Variants in STRA8 observed in about 807,000 individuals in gnomAD.
The protein encoded by STRA8 is stimulated by retinoic acid 8.
Under a neutral mutation model 37.1 loss-of-function variants are expected in STRA8, and 18 were observed. That is an observed-to-expected ratio of 0.48 (90% CI 0.34 to 0.72). STRA8 has a LOEUF of 0.72. STRA8 is among the 30% of genes least tolerant of loss of function. STRA8 has a pLI of 0.01. For missense variants in STRA8, 357 were observed against 410.4 expected (o/e 0.87, Z 1.13); for synonymous variants, 168 against 162.9 (o/e 1.03, Z -0.24).
intron 7 of STRA8, among the ~76,000 whole-genome samples, chr7:135,253,614 G>A (rs1295626511): frequency 6.6e-6 from 1 of 152,154 alleles, no homozygotes; most frequent in African/African-American, 2.4e-5. Context: ...CCCATGAAGT[G>A]GGAAGACACA....
chr7:135,233,588 G>A (rs1180409398), upstream of STRA8, among the ~76,000 whole-genome samples: 1 of 152,126 alleles, frequency 6.6e-6, no homozygotes, highest in African/African-American at 2.4e-5. Context: ...ACTGACGCGA[G>A]GGTCCCCTCC....
rs1832447160 is a variant in STRA8 at position 135,240,571 on chromosome 7, C to G, written c.47C>G (p.Pro16Arg). 1.2e-6 allele frequency: 2 copies of G among 1,614,178 alleles called. No homozygotes were observed. The highest frequency in any genetic ancestry group is 1.7e-6 in the Non-Finnish European group (2 of 1,180,022). ...ENSNPHDRAT[P>R]QLPAQLQELE... ...AGCAATCCCCATGACAGAGCAACAC[C>G]CCAGCTGCCAGCACAGCTGCAGGAG... The change falls in exon 2 of 9, where the codon CCC becomes CGC. Residue 16 changes from proline to arginine, a missense_variant. By Grantham distance (103) the Pro-to-Arg change is moderately radical. Transcript: ENST00000662584.
chr7:135,234,003 G>GA (rs1832330424), intron 1 of STRA8, among the ~76,000 whole-genome samples, 100 bp downstream of exon 1: 1 of 152,164 alleles, frequency 6.6e-6, no homozygotes, highest in South Asian at 2.1e-4. Context: ...CCTAACAGGT[G>GA]AACTTTTAGC....
upstream of STRA8, among the ~76,000 whole-genome samples, chr7:135,233,400 A>T (rs1183421078): frequency 6.6e-6 from 1 of 151,796 alleles, no homozygotes; most frequent in East Asian, 1.9e-4. Flanking sequence ...TGGTATTTTG[A>T]TTCCTTTATC....
At chr7:135,242,496 TG>T (rs1406893113) in intron 2 of STRA8, among the ~76,000 whole-genome samples, 1 of 152,226 alleles carries the variant, frequency 6.6e-6, no homozygotes, top group East Asian at 1.9e-4. Flanking sequence ...AAGCCGCCTC[TG>T]TAGTCATTTG....
rs1303644242 is a variant in STRA8 at position 135,246,687 on chromosome 7, C to G, written c.864C>G (p.Val288=). Residue 288 remains valine (V), a synonymous_variant, in exon 6 of 9, where the codon GTC becomes GTG. Coordinates refer to ENST00000662584, the MANE Select transcript of STRA8 (RefSeq NM_001394401.1). This position sits in a 1 kb window ranked among gnomAD's most constrained non-coding sequence, Gnocchi z 5.4. ...GCCAGGGGGCCAGCTGCTCGCTGGTCTCCACGCCCGAGGAGGTGAGCAGGC... is the reference window on the plus strand; with the variant it reads ...GCCAGGGGGCCAGCTGCTCGCTGGTGTCCACGCCCGAGGAGGTGAGCAGGC... ...VDSQGASCSL[V]STPEEILFED... is the part of the protein sequence containing the mutation. 1.3e-6 allele frequency: 2 copies of G among 1,526,048 alleles called. No homozygotes were observed. Among genetic ancestry groups the G allele is most frequent in the Non-Finnish European group, 8.7e-7 (1 of 1,143,620 alleles). 94.5% of individuals were successfully genotyped at this position (1,526,048 alleles called of 1,614,324 possible). A position where few individuals can be genotyped will look rare whatever the true frequency, so the allele number is the denominator to read the frequency against.
intron 1 of STRA8, among the ~76,000 whole-genome samples, chr7:135,235,694 G>A (rs1832364828): frequency 6.6e-6 from 1 of 152,096 alleles, no homozygotes; most frequent in Non-Finnish European, 1.5e-5. Flanking sequence ...CACCCGCCTT[G>A]GCCCCCCAAC....
At chr7:135,241,644 TC>T (rs1489769719) in intron 2 of STRA8, among the ~76,000 whole-genome samples, 3 of 152,340 alleles carry the variant, frequency 2.0e-5, no homozygotes, top group African/African-American at 7.2e-5. Context: ...CTCCATGGAA[TC>T]TTCTGGACCC....
intron 8 of STRA8, 43 bp downstream of exon 8, chr7:135,255,268 T>C (rs751307119): frequency 1.8e-5 from 27 of 1,505,502 alleles, no homozygotes; most frequent in Non-Finnish European, 2.4e-5. Flanking sequence ...CCCACCTTGC[T>C]TAGATAGCAA....
Position 135,257,549 on chromosome 7 carries a change from C to T in STRA8, c.1066-869C>T, listed in dbSNP as rs373372480. On this transcript the variant is annotated intron_variant, in intron 8 of 8. Coordinates refer to ENST00000662584, the MANE Select transcript of STRA8 (RefSeq NM_001394401.1). ...AAGTGATTCTCATGCCATGGCCTCC[C>T]GAGTAGCTGGGATTACAGGCGCACA... Among the ~76,000 whole-genome samples the T allele has an allele frequency of 1.4e-4, 22 of 152,158 alleles. No homozygotes were observed. The East Asian group carries it at 2.9e-3, about 20-fold the overall frequency.
At position 135,246,747 on chromosome 7, in the gene STRA8, C is replaced by T; in HGVS notation, c.879+45C>T. On this transcript the variant is annotated intron_variant, in intron 6 of 8. Transcript: ENST00000662584. This position sits in a 1 kb window ranked among gnomAD's most constrained non-coding sequence, Gnocchi z 5.4. ...TGGCGTGGATGGGGCACGGGAACCA[C>T]CCTCGCCCTCGCCTGGGGACACCAG... is the stretch of plus-strand genomic sequence containing the variant. The T allele has an allele frequency of 2.7e-6, 4 of 1,471,758 alleles. No homozygotes were observed. The South Asian group carries it at 5.3e-5, about 20-fold the overall frequency. 91.2% of individuals were successfully genotyped at this position (1,471,758 alleles called of 1,614,324 possible).
intron 1 of STRA8, among the ~76,000 whole-genome samples, chr7:135,237,317 T>C (rs751905616): frequency 3.3e-5 from 5 of 152,244 alleles, no homozygotes; most frequent in Non-Finnish European, 7.3e-5. Context: ...GCAGTTTCTT[T>C]GACATACTTT....
At chr7:135,238,827 A>G (rs113231116) in intron 1 of STRA8, among the ~76,000 whole-genome samples, 2,189 of 152,378 alleles carry the variant, frequency 0.014, 49 homozygotes, top group African/African-American at 0.05. Flanking sequence ...ATTGAAGACC[A>G]TGAAGGCATA....
At chr7:135,241,619 T>C (rs185687861) in intron 2 of STRA8, among the ~76,000 whole-genome samples, 2 of 152,372 alleles carry the variant, frequency 1.3e-5, no homozygotes, top group African/African-American at 4.8e-5. Context: ...TGGCTCACTC[T>C]GCTCAGCTGC....
chr7:135,246,403 C>G lies in STRA8; in HGVS notation c.594-14C>G, dbSNP rs748514150. On this transcript the variant is annotated splice_polypyrimidine_tract_variant and intron_variant, in intron 5 of 8. Transcript: ENST00000662584. The surrounding 1 kb of genome is among the most constrained non-coding windows in gnomAD (Gnocchi z 5.4). ...GAGCTTTAGGGGTGCGAGACGGCGC[C>G]GCTTCTGTTCCAGGTATCTCAACTT... The G allele has an allele frequency of 6.3e-7, 1 of 1,592,336 alleles. No homozygotes were observed. The highest frequency in any genetic ancestry group is 8.6e-7 in the Non-Finnish European group (1 of 1,168,270).
chr7:135,246,388 G>A lies in STRA8; in HGVS notation c.594-29G>A. ...AATCGCTTCGAGAGGGAGCTTTAGG[G>A]GTGCGAGACGGCGCCGCTTCTGTTC... On this transcript the variant is annotated intron_variant, in intron 5 of 8. Transcript: ENST00000662584. The surrounding 1 kb of genome is among the most constrained non-coding windows in gnomAD (Gnocchi z 5.4). 6.3e-7 allele frequency: 1 copy of A among 1,582,812 alleles called. No homozygotes were observed. The highest frequency in any genetic ancestry group is 8.6e-7 in the Non-Finnish European group (1 of 1,162,916).
chr7:135,258,018 C>G (rs1019619), intron 8 of STRA8, among the ~76,000 whole-genome samples: 40,821 of 152,178 alleles, frequency 0.27, 5,745 homozygotes, highest in Middle Eastern at 0.4. Context: ...AGAGAGCACG[C>G]TGTCTCATTA....
Position 135,240,370 on chromosome 7 carries a change from C to T in STRA8, c.-6-149C>T. ...CAAATTTCTCTCACTGTAAATCTTG[C>T]CAATAACTGAATTCATGAGGGAGTG... On this transcript the variant is annotated intron_variant, in intron 1 of 8. Transcript: ENST00000662584. 9 of 713,460 alleles carry T rather than the reference C, an allele frequency of 1.3e-5. No homozygotes were observed. The South Asian group carries it at 1.8e-4, about 14-fold the overall frequency. The allele number at this position is 713,460 out of a possible 1,614,324, so 44.2% of individuals were successfully genotyped here.
Position 135,255,360 on chromosome 7 carries a change from C to T in STRA8, c.1065+135C>T, listed in dbSNP as rs1585481817. The T allele has an allele frequency of 6.2e-6, 4 of 640,676 alleles. No individual in the cohort carries two copies. In the Admixed American group the frequency reaches 1.1e-4, roughly 18 times the overall value. The allele number at this position is 640,676 out of a possible 1,614,324, so 39.7% of individuals were successfully genotyped here. ...CCACTGGGCAGGGACACTCTCCATTCTCTCTGGCTTGCTCCATGAATGGTC... is the reference window on the plus strand; with the variant it reads ...CCACTGGGCAGGGACACTCTCCATTTTCTCTGGCTTGCTCCATGAATGGTC... On this transcript the variant is annotated intron_variant, in intron 8 of 8. Coordinates refer to ENST00000662584, the MANE Select transcript of STRA8 (RefSeq NM_001394401.1).
Sources: allele counts gnomAD v4.1 joint callset (sites outside exome capture counted in the v4.1 genomes callset), GRCh38; gene constraint gnomAD v4.1.1; non-coding constraint Gnocchi (gnomAD v3.1); transcripts MANE v1.5; gene names NCBI Gene and HGNC (gene_info 2026-07-23, HGNC 2026-07-21).